Variants in ARHGAP10 observed in about 807,000 individuals in gnomAD.
ARHGAP10 encodes the protein Rho GTPase activating protein 10.
Under a neutral mutation model 108.6 loss-of-function variants are expected in ARHGAP10, and 87 were observed. That is an observed-to-expected ratio of 0.80 (90% CI 0.67 to 0.96). The LOEUF is 0.96. Among genes scored for constraint, ARHGAP10 ranks in the 40% least tolerant of loss-of-function variants. The pLI is 0.00. For synonymous variants in ARHGAP10, 347 were observed against 341.1 expected, an observed-to-expected ratio of 1.02 and a Z score of -0.19; for missense variants, 939 against 954.5, an observed-to-expected ratio of 0.98 and a Z score of 0.21.
At chr4:147,966,626 C>G in intron 17 of ARHGAP10, 54 bp from the exon 18 acceptor site, 1 of 1,456,898 alleles carries the variant, frequency 6.9e-7, no homozygotes, top group Admixed American at 2.1e-5. Flanking sequence ...TATTTACAGT[C>G]CACAATTTTT....
At chr4:147,941,354 C>G (rs180933893) in intron 14 of ARHGAP10, among the ~76,000 whole-genome samples, 18 of 152,278 alleles carry the variant, frequency 1.2e-4, no homozygotes, top group Admixed American at 1.2e-3. Flanking sequence ...TAAAATTCTA[C>G]GTGTACAGCA....
intron 7 of ARHGAP10, among the ~76,000 whole-genome samples, chr4:147,867,926 CTTT>C (rs57058691): frequency 0.051 from 6,957 of 135,486 alleles, 236 homozygotes; most frequent in Non-Finnish European, 0.076. Flanking sequence ...TTGTTTCTAA[CTTT>C]TTTTTTTTTT....
chr4:147,832,099 C>G (rs1732973367), intron 3 of ARHGAP10, among the ~76,000 whole-genome samples: 1 of 152,246 alleles, frequency 6.6e-6, no homozygotes, highest in Non-Finnish European at 1.5e-5. Context: ...CATACACACA[C>G]CCACCCACAC....
At chr4:148,069,750 G>A (rs1368667842) in intron 22 of ARHGAP10, among the ~76,000 whole-genome samples, 1 of 152,196 alleles carries the variant, frequency 6.6e-6, no homozygotes, top group Non-Finnish European at 1.5e-5. Context: ...TAATTTCCCA[G>A]ATGCATCTAG....
chr4:147,912,645 CTTTT>C (rs70958594), intron 12 of ARHGAP10, among the ~76,000 whole-genome samples: 7 of 35,314 alleles, frequency 2.0e-4, no homozygotes, highest in African/African-American at 6.5e-4. Context: ...TAGCCTTAAG[CTTTT>C]TTTTTTTTTT....
At chr4:147,786,062 GT>G (rs1429101200) in intron 1 of ARHGAP10, among the ~76,000 whole-genome samples, 10 of 152,128 alleles carry the variant, frequency 6.6e-5, no homozygotes, top group Non-Finnish European at 1.3e-4. Context: ...AAAGCTGTTG[GT>G]TTCCTAATTT....
intron 10 of ARHGAP10, among the ~76,000 whole-genome samples, chr4:147,897,979 G>A (rs893837656): frequency 1.3e-5 from 2 of 151,962 alleles, no homozygotes; most frequent in Non-Finnish European, 2.9e-5. Flanking sequence ...TCAGCCTCCC[G>A]AGAAGCTGGG....
chr4:147,899,134 C>G (rs375758984), intron 10 of ARHGAP10, among the ~76,000 whole-genome samples: 10 of 152,300 alleles, frequency 6.6e-5, no homozygotes, highest in African/African-American at 2.4e-4. Context: ...TGAGGTCCCA[C>G]GGACAAGAGT....
chr4:148,041,945 C>G (rs1239543941), intron 19 of ARHGAP10, among the ~76,000 whole-genome samples: 3 of 152,226 alleles, frequency 2.0e-5, no homozygotes, highest in Admixed American at 1.3e-4. Context: ...CTTCCTTGCT[C>G]TCTCCATCCA....
chr4:147,837,028 G>A (rs973083251), intron 3 of ARHGAP10, among the ~76,000 whole-genome samples: 6 of 152,160 alleles, frequency 3.9e-5, no homozygotes, highest in Admixed American at 3.9e-4. Flanking sequence ...GAAATCGATT[G>A]TGAAACTTTT....
intron 1 of ARHGAP10, among the ~76,000 whole-genome samples, chr4:147,772,582 G>C (rs1730125157): frequency 6.6e-6 from 1 of 152,216 alleles, no homozygotes; most frequent in South Asian, 2.1e-4. Flanking sequence ...TGTCTCTCTT[G>C]AATGTTTGAC....
intron 22 of ARHGAP10, among the ~76,000 whole-genome samples, chr4:148,070,863 T>C (rs1391993799): frequency 6.6e-6 from 1 of 152,186 alleles, no homozygotes; most frequent in Admixed American, 6.5e-5. Flanking sequence ...AGCTGGGGCC[T>C]GCTCACAGCT....
In ARHGAP10 at chr4:147,937,648, G is replaced by A. The variant is rs190470387; in HGVS notation, c.1229-2177G>A. ...GCCCTACTCACAATAGCAAAGACAT[G>A]GACTCAGCCTAAATGCCCATCAGTG... On this transcript the variant is annotated intron_variant, in intron 13 of 22. Transcript: ENST00000336498. Among the ~76,000 whole-genome samples, 25 of 152,234 alleles carry A rather than the reference G, an allele frequency of 1.6e-4. 1 individual carries two copies. The East Asian group carries it at 4.4e-3, about 27-fold the overall frequency.
At chr4:147,758,419 G>A (rs889285800) in intron 1 of ARHGAP10, among the ~76,000 whole-genome samples, 8 of 152,146 alleles carry the variant, frequency 5.3e-5, no homozygotes, top group Admixed American at 1.3e-4. Flanking sequence ...ATGGCTTTTA[G>A]TGTAGTCACA....
chr4:147,756,129 G>C (rs1354384585), intron 1 of ARHGAP10, among the ~76,000 whole-genome samples: 1 of 119,174 alleles, frequency 8.4e-6, no homozygotes, highest in East Asian at 2.3e-4. Flanking sequence ...TTACTAGGAG[G>C]CAAAAAAAAA....
chr4:148,003,256 T>A (rs1740803630), intron 18 of ARHGAP10, among the ~76,000 whole-genome samples: 1 of 152,244 alleles, frequency 6.6e-6, no homozygotes, highest in Non-Finnish European at 1.5e-5. Flanking sequence ...GAGTTCTAGT[T>A]TGCTTGCACT....
At chr4:147,772,299 C>T (rs149293931) in intron 1 of ARHGAP10, among the ~76,000 whole-genome samples, 4 of 152,292 alleles carry the variant, frequency 2.6e-5, no homozygotes, top group East Asian at 1.9e-4. Flanking sequence ...TTCCACCTGG[C>T]GGTAGTGTGT....
rs142071561 is a variant in ARHGAP10, at chr4:147,891,699, C to T, written c.1034+9767C>T. 5.6e-3 allele frequency among the ~76,000 whole-genome samples: 853 copies of T among 152,260 alleles called. 6 individuals carry two copies. Among genetic ancestry groups the T allele is most frequent in the African/African-American group, 0.016 (673 of 41,556 alleles). Reference sequence around the variant, plus strand: ...TAGCTAAAAGAAGGGTCTTAAATCACTATAAACTATCACTACATGACGTCA... The same window carrying T: ...TAGCTAAAAGAAGGGTCTTAAATCATTATAAACTATCACTACATGACGTCA... On this transcript the variant is annotated intron_variant, in intron 10 of 22. Coordinates refer to ENST00000336498, the MANE Select transcript of ARHGAP10 (RefSeq NM_024605.4).
intron 14 of ARHGAP10, among the ~76,000 whole-genome samples, chr4:147,945,586 T>C (rs921633519): frequency 5.9e-5 from 9 of 152,244 alleles, no homozygotes; most frequent in South Asian, 2.1e-4. Flanking sequence ...AGTTATTTTC[T>C]GTTTTGGTTG....
Sources: gnomAD v4.1 joint callset for allele counts (sites outside exome capture counted in the v4.1 genomes callset) on GRCh38, gnomAD v4.1.1 for gene constraint, MANE v1.5 for transcripts, NCBI Gene and HGNC (gene_info 2026-07-23, HGNC 2026-07-21) for gene names.